Variants in HNMT observed in about 807,000 individuals in gnomAD.
The protein encoded by HNMT is histamine N-methyltransferase.
In HNMT, 30 loss-of-function variants were observed where a neutral mutation model predicts 32.1. The ratio of observed to expected loss-of-function variants is 0.93; its 90% CI spans 0.70 to 1.27. The LOEUF is 1.27. Ranked by LOEUF, HNMT falls within the 50% of genes most tolerant of loss-of-function variation. The pLI, the probability that HNMT is intolerant of heterozygous loss-of-function variation, is 0.00. For synonymous variants in HNMT, 125 were observed against 119.0 expected, an observed-to-expected ratio of 1.05 and a Z score of -0.33; for missense variants, 327 against 346.0, an observed-to-expected ratio of 0.95 and a Z score of 0.43.
At chr2:137,970,648 C>T (rs967322784) in intron 2 of HNMT, among the ~76,000 whole-genome samples, 6 of 151,942 alleles carry the variant, frequency 3.9e-5, no homozygotes, top group South Asian at 2.1e-4. Flanking sequence ...AGGCTGGGCG[C>T]GGTGGCTCAC....
At chr2:137,968,422 C>T (rs918636006) in intron 1 of HNMT, among the ~76,000 whole-genome samples, 2 of 152,142 alleles carry the variant, frequency 1.3e-5, no homozygotes, top group African/African-American at 4.8e-5. Context: ...ATGTGGAGTG[C>T]TTGTCATGTG....
At position 138,014,447 on chromosome 2, in the gene HNMT, T is replaced by A. The variant is rs1015405885; in HGVS notation, c.*317T>A. The A allele has an allele frequency of 7.0e-5, 16 of 229,978 alleles. No individual in the cohort carries two copies. The highest frequency in any genetic ancestry group is 2.9e-4 in the African/African-American group (13 of 44,370). The allele number at this position is 229,978 out of a possible 1,614,324, so 14.2% of individuals were successfully genotyped here. ...TCCATTTGCTGATTGTCTGAAATTT[T>A]CTAGAATACTAATAAAATACATACT... On this transcript the variant is annotated 3_prime_UTR_variant, in exon 6 of 6. Coordinates refer to ENST00000280097, the MANE Select transcript of HNMT (RefSeq NM_006895.3).
chr2:138,004,177 G>A (rs1558746330), intron 4 of HNMT, among the ~76,000 whole-genome samples: 2 of 151,950 alleles, frequency 1.3e-5, no homozygotes, highest in East Asian at 1.9e-4. Flanking sequence ...AGGTCATATC[G>A]TAGATTGTTA....
intron 2 of HNMT, among the ~76,000 whole-genome samples, chr2:137,988,258 G>C (rs1449334098): frequency 6.6e-6 from 1 of 152,156 alleles, no homozygotes; most frequent in Non-Finnish European, 1.5e-5. Flanking sequence ...GGTTATCATG[G>C]TAAGTGCTTT....
In HNMT at chr2:138,015,403, C is replaced by T. The variant is rs1324033948; in HGVS notation, c.*1273C>T. 2 of 152,102 alleles carry T rather than the reference C, an allele frequency of 1.3e-5. No homozygotes were observed. Among genetic ancestry groups the T allele is most frequent in the Non-Finnish European group, 2.9e-5 (2 of 68,016 alleles). The allele number at this position is 152,102 out of a possible 1,614,324, so 9.4% of individuals were successfully genotyped here. A position where few individuals can be genotyped will look rare whatever the true frequency, so the allele number is the denominator to read the frequency against. ...CTCACTCTTTCATGCAATAGGGCTT[C>T]CATGTAATGTTGCCGTATAATCACT... On this transcript the variant is annotated 3_prime_UTR_variant, in exon 6 of 6. Coordinates refer to ENST00000280097, the MANE Select transcript of HNMT (RefSeq NM_006895.3).
rs1481561521 is a variant in HNMT at position 137,982,021 on chromosome 2, T to C, written c.190+11804T>C. 2.0e-5 allele frequency among the ~76,000 whole-genome samples: 3 copies of C among 152,068 alleles called. 1 individual carries two copies. The East Asian group carries it at 5.8e-4, about 29-fold the overall frequency. On this transcript the variant is annotated intron_variant, in intron 2 of 5. Coordinates refer to ENST00000280097, the MANE Select transcript of HNMT (RefSeq NM_006895.3). ...GGCTCACGCCACCACGCCCAGATAA[T>C]TTTTGTATTTTTAGTAGAGATTTCA...
At chr2:138,000,467 A>ATT (rs11406893) in intron 2 of HNMT, among the ~76,000 whole-genome samples, 3 of 151,032 alleles carry the variant, frequency 2.0e-5, no homozygotes, top group African/African-American at 4.9e-5. Flanking sequence ...TTAATCTGAC[A>ATT]TTTTTTTGTA....
In HNMT at chr2:138,002,074, C is replaced by A; in HGVS notation, c.309C>A (p.Ala103=). 2 of 1,580,118 alleles carry A rather than the reference C, an allele frequency of 1.3e-6. No individual in the cohort carries two copies. Among genetic ancestry groups the A allele is most frequent in the South Asian group, 1.2e-5 (1 of 83,284 alleles). ...TTCTCTGTATTTTAGAGCTTGTAGCCAAGACATCGAACCTCGAGAACGTAA... is the reference window on the plus strand; with the variant it reads ...TTCTCTGTATTTTAGAGCTTGTAGCAAAGACATCGAACCTCGAGAACGTAA... ...EQIAKYKELV[A]KTSNLENVKF... is the part of the protein sequence containing the mutation. The change falls in exon 4 of 6, where the codon GCC becomes GCA. Residue 103 remains alanine, a synonymous_variant. Transcript: ENST00000280097.
intron 2 of HNMT, among the ~76,000 whole-genome samples, chr2:137,972,764 G>T (rs1680174080): frequency 6.6e-6 from 1 of 152,302 alleles, no homozygotes; most frequent in Non-Finnish European, 1.5e-5. Context: ...AGTGTCACTT[G>T]TGCTTGGACA....
chr2:138,010,118 A>G (rs1681449308), intron 5 of HNMT, among the ~76,000 whole-genome samples: 1 of 152,032 alleles, frequency 6.6e-6, no homozygotes, highest in African/African-American at 2.4e-5. Flanking sequence ...ATTGTCATCC[A>G]TAGCTGCTCT....
At chr2:137,989,523 C>G (rs1680754581) in intron 2 of HNMT, among the ~76,000 whole-genome samples, 1 of 152,152 alleles carries the variant, frequency 6.6e-6, no homozygotes, top group Non-Finnish European at 1.5e-5. Flanking sequence ...TGGTTACTTC[C>G]AAGCTTTGGC....
chr2:138,005,158 A>G lies in HNMT; in HGVS notation c.456A>G (p.Pro152=), dbSNP rs770593964. The change falls in exon 5 of 6, where the codon CCA becomes CCG. Residue 152 remains proline, a synonymous_variant. Coordinates refer to ENST00000280097, the MANE Select transcript of HNMT (RefSeq NM_006895.3). The part of the protein sequence containing the change: ...IQMLYYVKDI[P]ATLKFFHSLL... The stretch of plus-strand genomic sequence containing the variant: ...TGCTGTATTATGTAAAAGACATCCC[A>G]GCTACCCTGAAATTCTTCCATAGTC... 22 of 1,596,788 alleles carry G rather than the reference A, an allele frequency of 1.4e-5. No homozygotes were observed. Among genetic ancestry groups the G allele is most frequent in the Non-Finnish European group, 1.8e-5 (21 of 1,164,902 alleles).
At chr2:137,965,269 A>T (rs1034365917) in intron 1 of HNMT, among the ~76,000 whole-genome samples, 6 of 152,044 alleles carry the variant, frequency 3.9e-5, no homozygotes, top group African/African-American at 1.2e-4. Context: ...AATGTGTTCA[A>T]TTTGTGCCAG....
At chr2:137,968,638 G>A (rs1680031106) in intron 1 of HNMT, among the ~76,000 whole-genome samples, 2 of 152,290 alleles carry the variant, frequency 1.3e-5, no homozygotes, top group Non-Finnish European at 2.9e-5. Context: ...TCCCTATGCT[G>A]TCATAGATGT....
At chr2:138,001,955 C>A in intron 3 of HNMT, 109 bp from the exon 4 acceptor site, 1 of 808,132 alleles carries the variant, frequency 1.2e-6, no homozygotes, top group Non-Finnish European at 1.8e-6. Context: ...GAAAAACGTT[C>A]TTTCTATCTG....
chr2:138,006,347 G>T (rs1681331041), intron 5 of HNMT, among the ~76,000 whole-genome samples: 1 of 151,916 alleles, frequency 6.6e-6, no homozygotes, highest in South Asian at 2.1e-4. Flanking sequence ...CAATCATACA[G>T]AAAAAGTATT....
chr2:137,968,154 G>C (rs1465323559), intron 1 of HNMT, among the ~76,000 whole-genome samples: 1 of 152,184 alleles, frequency 6.6e-6, no homozygotes, highest in Non-Finnish European at 1.5e-5. Context: ...TTTGAGGGTA[G>C]ATGGTGGGGC....
intron 2 of HNMT, among the ~76,000 whole-genome samples, chr2:137,995,041 C>T (rs944983441): frequency 6.6e-6 from 1 of 152,078 alleles, no homozygotes; most frequent in Non-Finnish European, 1.5e-5. Context: ...ATTTATAGCA[C>T]TTAAATGCCC....
chr2:137,985,722 T>C (rs979344249), intron 2 of HNMT, among the ~76,000 whole-genome samples: 1 of 152,196 alleles, frequency 6.6e-6, no homozygotes, highest in African/African-American at 2.4e-5. Context: ...GTTCTTTGAG[T>C]CACCAGATAA....
Sources: allele counts gnomAD v4.1 joint callset (sites outside exome capture counted in the v4.1 genomes callset), GRCh38; gene constraint gnomAD v4.1.1; transcripts MANE v1.5; gene names NCBI Gene and HGNC (gene_info 2026-07-23, HGNC 2026-07-21).